Variants in PCDHA7 observed in about 807,000 individuals in gnomAD.
PCDHA7 encodes the protein protocadherin alpha 7, also known as protocadherin alpha-7.
A neutral mutation model predicts 57.2 loss-of-function variants in PCDHA7; 37 were observed. The ratio of observed to expected loss-of-function variants is 0.65; its 90% CI spans 0.50 to 0.85. PCDHA7 has a LOEUF of 0.85. Among genes scored for constraint, PCDHA7 ranks in the 40% least tolerant of loss-of-function variants. The pLI, the probability that PCDHA7 is intolerant of heterozygous loss-of-function variation, is 0.00. For missense variants in PCDHA7, 1,188 were observed against 1,241.8 expected (o/e 0.96, Z 0.65); for synonymous variants, 553 against 558.8 (o/e 0.99, Z 0.15).
intron 1 of PCDHA7, among the ~76,000 whole-genome samples, chr5:140,896,910 T>C (rs1174063416): frequency 1.3e-5 from 2 of 152,208 alleles, no homozygotes; most frequent in Non-Finnish European, 2.9e-5. Context: ...AAGCATGCAA[T>C]GCACAATAAT....
chr5:140,875,556 C>A (rs781896642), intron 1 of PCDHA7: 2 of 1,614,010 alleles, frequency 1.2e-6, no homozygotes, highest in Non-Finnish European at 1.7e-6. Context: ...AGGTGGGGAG[C>A]GGCCAGCTCC....
intron 1 of PCDHA7, among the ~76,000 whole-genome samples, chr5:140,971,815 A>G (rs988959952): frequency 3.2e-4 from 49 of 152,166 alleles, no homozygotes; most frequent in African/African-American, 1.1e-3. Flanking sequence ...TATTGAATAC[A>G]TATATGATTT....
At position 140,982,527 on chromosome 5, in the gene PCDHA7, G is replaced by A. The variant is rs2096986081; in HGVS notation, c.2467G>A (p.Asp823Asn). ...TCTACGGGCTGGTCCAGGAGGGCCT[G>A]ATCAGCAGTGGCCAACAGTATCCAG... is the stretch of plus-strand genomic sequence containing the variant. ...GILRAGPGGP[D>N]QQWPTVSSAT... is the part of the protein sequence containing the mutation. Residue 823 changes from aspartate to asparagine, a missense_variant, in exon 3 of 4, where the codon GAT becomes AAT. By Grantham distance (23) the Asp-to-Asn change is conservative. This residue lies in a region of PCDHA7 where 892 missense variants were observed against 788.5 expected (regional missense o/e 1.13). Coordinates refer to ENST00000525929, the MANE Select transcript of PCDHA7 (RefSeq NM_018910.3). 1 of 1,614,218 alleles carries A rather than the reference G, an allele frequency of 6.2e-7. No individual in the cohort carries two copies. Among genetic ancestry groups the A allele is most frequent in the Admixed American group, 1.7e-5 (1 of 60,034 alleles).
At chr5:140,891,494 C>T (rs548491891) in intron 1 of PCDHA7, among the ~76,000 whole-genome samples, 1 of 151,678 alleles carries the variant, frequency 6.6e-6, no homozygotes, top group South Asian at 2.1e-4. Flanking sequence ...TGAGCATATC[C>T]TCAGCTATAA....
At chr5:140,875,874 A>C in intron 1 of PCDHA7, 1 of 1,614,188 alleles carries the variant, frequency 6.2e-7, no homozygotes, top group Non-Finnish European at 8.5e-7. Flanking sequence ...CGGTGTTCAG[A>C]GAAAGGGAAC....
rs2150346065 is a variant in PCDHA7, at chr5:140,842,843, A to G, written c.2355+6105A>G. On this transcript the variant is annotated intron_variant, in intron 1 of 3. Coordinates refer to ENST00000525929, the MANE Select transcript of PCDHA7 (RefSeq NM_018910.3). ...GGGCGAGCGCTCGCTGTCGAGCTAC[A>G]TTTCGGTGCACACGGAGAGCGGCAA... 1.1e-5 allele frequency: 17 copies of G among 1,593,618 alleles called. 1 individual carries two copies. The South Asian group carries it at 1.8e-4, about 17-fold the overall frequency.
At chr5:140,975,236 T>A (rs562846037) in intron 1 of PCDHA7, among the ~76,000 whole-genome samples, 84 of 152,334 alleles carry the variant, frequency 5.5e-4, no homozygotes, top group African/African-American at 1.9e-3. Context: ...TCACATGGAA[T>A]CCCTCTTATG....
chr5:140,929,205 G>A (rs201292001), intron 1 of PCDHA7: 14 of 1,614,120 alleles, frequency 8.7e-6, no homozygotes, highest in Non-Finnish European at 1.2e-5. Flanking sequence ...GTTTGCTGTT[G>A]CGTGGGGAGT....
At chr5:140,877,813 GAA>G in intron 1 of PCDHA7, 1 of 1,610,266 alleles carries the variant, frequency 6.2e-7, no homozygotes, top group Non-Finnish European at 8.5e-7. Flanking sequence ...GCTGTCTCGA[GAA>G]GATTGTTTAA....
chr5:140,917,960 T>C (rs531936377), intron 1 of PCDHA7, among the ~76,000 whole-genome samples: 8 of 152,316 alleles, frequency 5.3e-5, no homozygotes, highest in East Asian at 3.9e-4. Context: ...AGGAACATCA[T>C]TGAATCTGTG....
chr5:140,883,171 A>G, intron 1 of PCDHA7: 7 of 1,614,008 alleles, frequency 4.3e-6, no homozygotes, highest in Non-Finnish European at 5.9e-6. Flanking sequence ...ACAATGGAGA[A>G]ATTAGGACAA....
chr5:140,850,376 C>G (rs2041562813), intron 1 of PCDHA7: 1 of 1,597,960 alleles, frequency 6.3e-7, no homozygotes, highest in Non-Finnish European at 8.6e-7. Flanking sequence ...TGGGGCTGTA[C>G]ACGGGCGAGA....
At position 140,835,844 on chromosome 5, in the gene PCDHA7, C is replaced by T. The variant is rs2150246309; in HGVS notation, c.1461C>T (p.Asn487=). The T allele has an allele frequency of 8.1e-6, 13 of 1,612,362 alleles. No homozygotes were observed. The Admixed American group carries it at 1.0e-4, about 12-fold the overall frequency. Residue 487 remains asparagine, a synonymous_variant, in exon 1 of 4, where the codon AAC becomes AAT. Coordinates refer to ENST00000525929, the MANE Select transcript of PCDHA7 (RefSeq NM_018910.3). Reference sequence around the variant, plus strand: ...CGGGGGACGCGGACGCGCAGAAGAACGCGCTGGTGTCCTACTCGCTGGTGG... The same window carrying T: ...CGGGGGACGCGGACGCGCAGAAGAATGCGCTGGTGTCCTACTCGCTGGTGG... ...VSAGDADAQK[N]ALVSYSLVEL...
chr5:140,834,400 G>A lies in PCDHA7; in HGVS notation c.17G>A (p.Gly6Glu). The change falls in exon 1 of 4, where the codon GGA becomes GAA. Residue 6 changes from glycine (G) to glutamate (E), a missense_variant. By Grantham distance (98) the Gly-to-Glu change is moderately conservative. This residue lies in a region of PCDHA7 where 194 missense variants were observed against 185.8 expected (regional missense o/e 1.04). Coordinates refer to ENST00000525929, the MANE Select transcript of PCDHA7 (RefSeq NM_018910.3). ...TAATTTGAAATGGTGTGCCCGAATGGATACGACCCAGGGGGCCGACATCTA... is the reference window on the plus strand; with the variant it reads ...TAATTTGAAATGGTGTGCCCGAATGAATACGACCCAGGGGGCCGACATCTA... Reference protein sequence around the residue: MVCPNGYDPGGRHLLL... With the variant: MVCPNEYDPGGRHLLL... 1.2e-6 allele frequency: 2 copies of A among 1,605,520 alleles called. No individual in the cohort carries two copies. Among genetic ancestry groups the A allele is most frequent in the Non-Finnish European group, 8.5e-7 (1 of 1,175,010 alleles).
chr5:140,855,192 C>T (rs2150331288), intron 1 of PCDHA7, among the ~76,000 whole-genome samples: 1 of 149,878 alleles, frequency 6.7e-6, no homozygotes, highest in South Asian at 2.1e-4. Context: ...AAATTGAGGC[C>T]TGAGAATAGT....
chr5:140,929,681 A>C, intron 1 of PCDHA7: 1 of 302,408 alleles, frequency 3.3e-6, no homozygotes. Flanking sequence ...AAAAATATGT[A>C]AGAGTCTGCT....
intron 1 of PCDHA7, among the ~76,000 whole-genome samples, chr5:140,837,376 A>G (rs1191040233): frequency 6.6e-6 from 1 of 151,912 alleles, no homozygotes; most frequent in Non-Finnish European, 1.5e-5. Context: ...AGTATTTTTT[A>G]TTTTGTTCCT....
At chr5:140,902,989 T>G (rs1350698990) in intron 1 of PCDHA7, among the ~76,000 whole-genome samples, 1 of 152,238 alleles carries the variant, frequency 6.6e-6, no homozygotes, top group East Asian at 1.9e-4. Context: ...GGTTCCATAT[T>G]TTTGCAATTG....
rs782607699 is a variant in PCDHA7, at chr5:140,926,577, C to A, written c.2356-52372C>A. ...CAGCCCGCTGCTACTGGAGACAGCA[C>A]CTCTCGCGCCCGGGCGGGCGGCCTC... On this transcript the variant is annotated intron_variant, in intron 1 of 3. Coordinates refer to ENST00000525929, the MANE Select transcript of PCDHA7 (RefSeq NM_018910.3). The A allele has an allele frequency of 2.5e-5, 7 of 275,464 alleles. No individual in the cohort carries two copies. In the Middle Eastern group the frequency reaches 3.1e-3, roughly 122 times the overall value. The allele number at this position is 275,464 out of a possible 1,614,324, so 17.1% of individuals were successfully genotyped here. A position where few individuals can be genotyped will look rare whatever the true frequency, so the allele number is the denominator to read the frequency against.
Sources: allele counts gnomAD v4.1 joint callset (sites outside exome capture counted in the v4.1 genomes callset), GRCh38; gene constraint gnomAD v4.1.1; regional missense constraint gnomAD v4.1.1; transcripts MANE v1.5; gene names NCBI Gene and HGNC (gene_info 2026-07-23, HGNC 2026-07-21).